Variants in CLN3 observed in about 807,000 individuals in gnomAD.
The protein encoded by CLN3 is CLN3 lysosomal/endosomal transmembrane protein, battenin, also known as battenin.
A neutral mutation model predicts 60.7 loss-of-function variants in CLN3; 49 were observed. The observed-to-expected ratio is 0.81, with a 90% CI of 0.64 to 1.02. The LOEUF (loss-of-function observed/expected upper bound fraction) is 1.02. Ranked by LOEUF, CLN3 falls within the 50% of genes least tolerant of loss-of-function variation. The pLI, the probability that CLN3 is intolerant of heterozygous loss-of-function variation, is 0.00. For synonymous variants in CLN3, 256 were observed against 245.8 expected (o/e 1.04, Z -0.39); for missense variants, 516 against 557.4 (o/e 0.93, Z 0.75).
rs757018330 is a variant in CLN3, at chr16:28,486,437, G to A, written c.587C>T (p.Ala196Val). Residue 196 changes from alanine (A) to valine (V), a missense_variant, in exon 9 of 16, where the codon GCC becomes GTC. By Grantham distance (64) the Ala-to-Val change is moderately conservative (BLOSUM62 0). Coordinates refer to ENST00000636147, the MANE Select transcript of CLN3 (RefSeq NM_001042432.2). Reference protein sequence around the residue: ...SGTGGAGLLGALSYLGLTQAG... With the variant: ...SGTGGAGLLGVLSYLGLTQAG... ...CTGGGTGAGGCCCAGGTAGGACAGG[G>A]CCCCCAGCAGCCCAGCTCCCCCAGT... 3 of 1,613,152 alleles carry A rather than the reference G, an allele frequency of 1.9e-6. No individual in the cohort carries two copies. In the South Asian group the frequency reaches 3.3e-5, roughly 18 times the overall value.
intron 9 of CLN3, among the ~76,000 whole-genome samples, chr16:28,485,869 C>T (rs559730406): frequency 2.6e-5 from 4 of 152,182 alleles, no homozygotes; most frequent in East Asian, 3.9e-4. Flanking sequence ...ACTTGTTCAA[C>T]GCTACAAAGC....
chr16:28,476,330 C>T (rs959130706), downstream of CLN3: 1 of 150,268 alleles, frequency 6.7e-6, no homozygotes, highest in African/African-American at 2.5e-5. Flanking sequence ...ACTGCTTGAG[C>T]TCAAGAGTTC....
chr16:28,488,441 C>T (rs2046258413), intron 5 of CLN3, 150 bp downstream of exon 5: 2 of 661,020 alleles, frequency 3.0e-6, no homozygotes. Flanking sequence ...TCCCAAAGTG[C>T]TGGGATTACA....
chr16:28,478,832 T>G (rs1460018945), intron 14 of CLN3, among the ~76,000 whole-genome samples: 2 of 152,120 alleles, frequency 1.3e-5, no homozygotes, highest in Non-Finnish European at 2.9e-5. Context: ...AACCAAAGCA[T>G]GCCTGCAGAC....
chr16:28,481,477 A>G (rs2046096085), intron 14 of CLN3, among the ~76,000 whole-genome samples: 1 of 130,748 alleles, frequency 7.6e-6, no homozygotes, highest in Non-Finnish European at 1.7e-5. Flanking sequence ...CACACACACT[A>G]CAAAATCTTG....
intron 14 of CLN3, among the ~76,000 whole-genome samples, chr16:28,478,670 G>T (rs1213876574): frequency 6.7e-6 from 1 of 148,324 alleles, no homozygotes; most frequent in Non-Finnish European, 1.5e-5. Context: ...AAGGAAGTGG[G>T]ACCATCGAAA....
In CLN3 at chr16:28,489,366, T is replaced by C. The variant is rs1474384057; in HGVS notation, c.146A>G (p.Asn49Ser). The C allele has an allele frequency of 1.2e-6, 2 of 1,612,692 alleles. No homozygotes were observed. The highest frequency in any genetic ancestry group is 1.3e-5 in the African/African-American group (1 of 74,870). Residue 49 changes from asparagine to serine, a missense_variant, in exon 4 of 16, where the codon AAC becomes AGC. By Grantham distance (46) the Asn-to-Ser change is conservative. Coordinates refer to ENST00000636147, the MANE Select transcript of CLN3 (RefSeq NM_001042432.2). ...VGFWLLGLCN[N>S]FSYVVMLSAA... ...ACTCAGCATCACCACATAAGAGAAG[T>C]TGTTGCAAAGGCCCAGCAGCCTGGA... is the stretch of plus-strand genomic sequence containing the variant.
Position 28,486,367 on chromosome 16 carries a change from G to A in CLN3, c.657C>T (p.Ile219=), listed in dbSNP as rs1364319614. 7 of 1,612,422 alleles carry A rather than the reference G, an allele frequency of 4.3e-6. No homozygotes were observed. The African/African-American group carries it at 9.3e-5, about 22-fold the overall frequency. ...CTCACCTGGCCAGCAGCAGGGCAGG[G>A]ATACCCAGCATGGACAGCAGGGTCT... is the stretch of plus-strand genomic sequence containing the variant. ...PQQTLLSMLG[I]PALLLASYFL... Residue 219 remains isoleucine (I), a synonymous_variant, in exon 9 of 16, where the codon ATC becomes ATT. Transcript: ENST00000636147.
chr16:28,484,109 C>T lies in CLN3; in HGVS notation c.687G>A (p.Leu229=), dbSNP rs772327361. The T allele has an allele frequency of 2.5e-6, 4 of 1,609,090 alleles. No individual in the cohort carries two copies. The highest frequency in any genetic ancestry group is 3.4e-6 in the Non-Finnish European group (4 of 1,177,510). The change falls in exon 10 of 16, where the codon TTG becomes TTA. Residue 229 remains leucine (L), a synonymous_variant. Transcript: ENST00000636147. The part of the protein sequence containing the change: ...IPALLLASYF[L]LLTSPEAQDP... Reference sequence around the variant, plus strand: ...CCTGGGCCTCAGGAGATGTGAGCAACAAGAAATAGCTAGGAGTAGGATGAA... The same window carrying T: ...CCTGGGCCTCAGGAGATGTGAGCAATAAGAAATAGCTAGGAGTAGGATGAA...
chr16:28,486,712 A>G (rs1596562097), intron 7 of CLN3, 62 bp from the exon 8 acceptor site: 2 of 1,491,198 alleles, frequency 1.3e-6, no homozygotes, highest in East Asian at 4.8e-5. Context: ...CCAGGCCTCT[A>G]ATGTGTCTGG....
chr16:28,477,557 G>T lies in CLN3; in HGVS notation c.1276C>A (p.Leu426Met). 6.2e-7 allele frequency: 1 copy of T among 1,614,040 alleles called. No homozygotes were observed. Among genetic ancestry groups the T allele is most frequent in the Non-Finnish European group, 8.5e-7 (1 of 1,180,038 alleles). Reference protein sequence around the residue: ...DTLGISLSGLLALPLHDFLCQ... With the variant: ...DTLGISLSGLMALPLHDFLCQ... ...AGGAAGTCATGCAGAGGCAAAGCCA[G>T]GAGCCCCGACAGGGAGATCCCCAGT... The change falls in exon 16 of 16, where the codon CTG (leucine) becomes ATG (methionine). Residue 426 changes from leucine (L) to methionine (M), a missense_variant. Leu to Met is a conservative substitution (Grantham distance 15, BLOSUM62 2). Transcript: ENST00000636147.
chr16:28,484,218 AACACTTTCAAAGATGGGTAGCTC>A, intron 9 of CLN3, 100 bp from the exon 10 acceptor site: 1 of 814,728 alleles, frequency 1.2e-6, no homozygotes, highest in Non-Finnish European at 2.1e-6. Context: ...TCTACCTTTG[AACACTTTCAAAGATGGGTAGCTC>A]ACTGCCTCTA....
At chr16:28,489,084 T>C (rs989773985) in intron 4 of CLN3, among the ~76,000 whole-genome samples, 16 of 152,130 alleles carry the variant, frequency 1.1e-4, no homozygotes, top group Non-Finnish European at 2.1e-4. Context: ...GTATTTTTAG[T>C]AGAGTCGGAG....
chr16:28,483,181 A>T (rs912454657), intron 10 of CLN3, among the ~76,000 whole-genome samples: 1 of 152,180 alleles, frequency 6.6e-6, no homozygotes, highest in Non-Finnish European at 1.5e-5. Flanking sequence ...GATGAAAATA[A>T]AAGCTAACCA....
rs1416297112 is a variant in CLN3 at position 28,491,768 on chromosome 16, G to A, written c.-9C>T. On this transcript the variant is annotated 5_prime_UTR_variant, in exon 2 of 16. Coordinates refer to ENST00000636147, the MANE Select transcript of CLN3 (RefSeq NM_001042432.2). ...CCTGCACAGCCTCCCATCGCATCAA[G>A]TTCAGGTCCCCCGAGGGTCCAGGGT... 5 of 1,613,552 alleles carry A rather than the reference G, an allele frequency of 3.1e-6. 1 individual carries two copies. The highest frequency in any genetic ancestry group is 4.2e-6 in the Non-Finnish European group (5 of 1,180,030).
At chr16:28,477,705 C>T (rs2046019530) in intron 15 of CLN3, 32 bp downstream of exon 15, 1 of 1,613,994 alleles carries the variant, frequency 6.2e-7, no homozygotes, top group Non-Finnish European at 8.5e-7. Context: ...CCTGGACAGG[C>T]CACCCCCAGC....
chr16:28,483,721 T>C (rs1300879510), intron 10 of CLN3, among the ~76,000 whole-genome samples: 9 of 67,524 alleles, frequency 1.3e-4, no homozygotes, highest in Non-Finnish European at 2.7e-4. Context: ...TTCTTTTTTT[T>C]TTTTTTTTTT....
rs535909478 is a variant in CLN3 at position 28,480,101 on chromosome 16, C to G, written c.1056+2004G>C. 2.6e-5 allele frequency among the ~76,000 whole-genome samples: 4 copies of G among 152,120 alleles called. No homozygotes were observed. In the South Asian group the frequency reaches 8.3e-4, roughly 32 times the overall value. ...TCAGCCTCCCGAGTAGCTGGGATTA[C>G]AGGTGAATGTCACCACACCCTGTTG... On this transcript the variant is annotated intron_variant, in intron 14 of 15. Coordinates refer to ENST00000636147, the MANE Select transcript of CLN3 (RefSeq NM_001042432.2).
chr16:28,477,581 G>A lies in CLN3; in HGVS notation c.1252C>T (p.Leu418=). The change falls in exon 16 of 16, where the codon CTG becomes TTG. Residue 418 remains leucine (L), a synonymous_variant. Transcript: ENST00000636147. ...AMAATCISDT[L]GISLSGLLAL... ...AGGAGCCCCGACAGGGAGATCCCCA[G>A]TGTGTCAGAGATGCAGGTGGCCGCC... is the stretch of plus-strand genomic sequence containing the variant. The A allele has an allele frequency of 6.2e-7, 1 of 1,614,092 alleles. No homozygotes were observed. The highest frequency in any genetic ancestry group is 8.5e-7 in the Non-Finnish European group (1 of 1,180,036).
Sources: allele counts gnomAD v4.1 joint callset (sites outside exome capture counted in the v4.1 genomes callset), GRCh38; gene constraint gnomAD v4.1.1; transcripts MANE v1.5; gene names NCBI Gene and HGNC (gene_info 2026-07-23, HGNC 2026-07-21).